Variants in LTF observed in about 807,000 individuals in gnomAD.
LTF encodes the protein lactotransferrin.
LTF carries 91 observed loss-of-function variants against 87.2 expected under a neutral mutation model. The ratio of observed to expected loss-of-function variants is 1.04; its 90% CI spans 0.88 to 1.24. The LOEUF is 1.24. Among genes scored for constraint, LTF ranks in the 50% most tolerant of loss-of-function variants. LTF has a pLI of 0.00. For missense variants in LTF, 901 were observed against 904.3 expected, an observed-to-expected ratio of 1.00 and a Z score of 0.05; for synonymous variants, 378 against 356.1, an observed-to-expected ratio of 1.06 and a Z score of -0.69.
intron 1 of LTF, chr3:46,460,457 C>T (rs1429736322): frequency 2.4e-6 from 1 of 421,130 alleles, no homozygotes; most frequent in Non-Finnish European, 4.8e-6. Context: ...AAGACTGGTG[C>T]TCCTGTTGAG....
Position 46,456,196 on chromosome 3 carries a change from A to G in LTF, c.316+94T>C, listed in dbSNP as rs1318280020. On this transcript the variant is annotated intron_variant, in intron 3 of 16. Coordinates refer to ENST00000231751, the MANE Select transcript of LTF (RefSeq NM_002343.6). ...TCCCTACATGTGTGATGTGACCCAG[A>G]CTCCACCTCCACATGTTCCCCCAGT... 18 of 1,138,662 alleles carry G rather than the reference A, an allele frequency of 1.6e-5. No individual in the cohort carries two copies. In the East Asian group the frequency reaches 4.1e-4, roughly 26 times the overall value. 70.5% of individuals were successfully genotyped at this position (1,138,662 alleles called of 1,614,324 possible).
chr3:46,484,925 C>T (rs932330696), intron 1 of LTF: 3 of 152,298 alleles, frequency 2.0e-5, no homozygotes, highest in Non-Finnish European at 4.4e-5. Flanking sequence ...CTTACAGACC[C>T]TCTCTGGGAC....
intron 14 of LTF, among the ~76,000 whole-genome samples, chr3:46,440,121 C>A (rs1575304578): frequency 6.6e-6 from 1 of 152,306 alleles, no homozygotes; most frequent in East Asian, 1.9e-4. Context: ...TGTGAATGTG[C>A]TGGAGATCAC....
intron 1 of LTF, among the ~76,000 whole-genome samples, chr3:46,481,742 C>A (rs572746463): frequency 6.6e-6 from 1 of 152,188 alleles, no homozygotes; most frequent in Non-Finnish European, 1.5e-5. Context: ...CAGAGCAAGA[C>A]TCCGTCAAAA....
intron 2 of LTF, among the ~76,000 whole-genome samples, chr3:46,470,088 G>A (rs780111360): frequency 6.6e-6 from 1 of 152,212 alleles, no homozygotes; most frequent in Non-Finnish European, 1.5e-5. Flanking sequence ...TGGGCAAGGG[G>A]CAGTGGAATG....
intron 6 of LTF, among the ~76,000 whole-genome samples, chr3:46,451,009 G>T (rs1278349542): frequency 6.6e-6 from 1 of 152,184 alleles, no homozygotes; most frequent in African/African-American, 2.4e-5. Flanking sequence ...GCAGAGACAA[G>T]CTCAGGGGGC....
intron 1 of LTF, chr3:46,460,664 A>C: frequency 2.2e-6 from 1 of 448,362 alleles, no homozygotes; most frequent in Non-Finnish European, 4.5e-6. Context: ...AGGAATGATG[A>C]GAGAGTGTCC....
At position 46,471,519 on chromosome 3, in the gene LTF, C is replaced by T. The variant is rs578027371; in HGVS notation, c.-319-1053G>A. Among the ~76,000 whole-genome samples the T allele has an allele frequency of 1.5e-4, 23 of 152,308 alleles. 2 individuals carry two copies. The South Asian group carries it at 4.6e-3, about 30-fold the overall frequency. ...GACTGTGGTTGACTAGCTGTGCATCCCCAGGGTCCACCTCCAGGCTTGGCC... is the reference window on the plus strand; with the variant it reads ...GACTGTGGTTGACTAGCTGTGCATCTCCAGGGTCCACCTCCAGGCTTGGCC... On this transcript the variant is annotated intron_variant, in intron 1 of 19. Coordinates refer to the LTF transcript ENST00000443496.
At chr3:46,464,252 C>A (rs1703158362) in intron 1 of LTF, among the ~76,000 whole-genome samples, 1 of 152,192 alleles carries the variant, frequency 6.6e-6, no homozygotes, top group South Asian at 2.1e-4. Flanking sequence ...ATTTCCCTCT[C>A]AAACCCTCTG....
rs774657325 is a variant in LTF, at chr3:46,456,340, G to A, written c.266C>T (p.Ala89Val). The A allele has an allele frequency of 2.0e-5, 33 of 1,614,142 alleles. No homozygotes were observed. In the South Asian group the frequency reaches 3.4e-4, roughly 17 times the overall value. Residue 89 changes from alanine (A) to valine (V), a missense_variant, in exon 3 of 17, where the codon GCC becomes GTC. Physicochemically the swap from Ala to Val is moderately conservative, Grantham distance 64. Coordinates refer to ENST00000231751, the MANE Select transcript of LTF (RefSeq NM_002343.6). ...DGGFIYEAGL[A>V]PYKLRPVAAE... ...CGCTACAGGTCGCAGTTTGTAGGGG[G>A]CCAGGCCTGCCTCGTATATGAAACC...
chr3:46,473,841 C>T (rs1703324076), intron 1 of LTF, among the ~76,000 whole-genome samples: 1 of 152,198 alleles, frequency 6.6e-6, no homozygotes, highest in Non-Finnish European at 1.5e-5. Context: ...TTTACAGATT[C>T]CAGGAATTAG....
chr3:46,471,108 G>T (rs915894584), intron 1 of LTF, among the ~76,000 whole-genome samples: 6 of 152,154 alleles, frequency 3.9e-5, no homozygotes, highest in African/African-American at 1.2e-4. Context: ...CAGAGGCTGC[G>T]GGGAGTTTTG....
At chr3:46,451,971 G>A (rs1011103416) in intron 6 of LTF, among the ~76,000 whole-genome samples, 3 of 152,076 alleles carry the variant, frequency 2.0e-5, no homozygotes, top group African/African-American at 2.4e-5. Flanking sequence ...GACATTCACC[G>A]CAAAATCAGG....
intron 1 of LTF, among the ~76,000 whole-genome samples, chr3:46,473,983 T>C (rs1481745423): frequency 2.0e-5 from 3 of 152,098 alleles, no homozygotes; most frequent in African/African-American, 7.2e-5. Context: ...AAAGTTACTA[T>C]AGGTACATCA....
chr3:46,478,947 C>T (rs1398229175), intron 1 of LTF, among the ~76,000 whole-genome samples: 1 of 152,234 alleles, frequency 6.6e-6, no homozygotes, highest in Non-Finnish European at 1.5e-5. Flanking sequence ...ACTCCTTGCA[C>T]TTAGAGGGGT....
intron 1 of LTF, among the ~76,000 whole-genome samples, chr3:46,482,441 G>T (rs1461876767): frequency 2.0e-5 from 3 of 147,280 alleles, no homozygotes; most frequent in African/African-American, 7.6e-5. Flanking sequence ...TTGAACTCCA[G>T]CCTGGACATT....
Position 46,477,617 on chromosome 3 carries a change from G to C in LTF, c.-319-7151C>G, listed in dbSNP as rs183938484. On this transcript the variant is annotated intron_variant, in intron 1 of 19. Coordinates refer to the LTF transcript ENST00000443496. Reference sequence around the variant, plus strand: ...AAGCATCTCCCTCATAAAATTGTTAGAACTTAATGAAGTAACTTATAAAGA... The same window carrying C: ...AAGCATCTCCCTCATAAAATTGTTACAACTTAATGAAGTAACTTATAAAGA... Among the ~76,000 whole-genome samples the C allele has an allele frequency of 2.6e-5, 4 of 152,312 alleles. No individual in the cohort carries two copies. The East Asian group carries it at 7.7e-4, about 29-fold the overall frequency.
chr3:46,459,003 C>G (rs145705215), intron 2 of LTF, among the ~76,000 whole-genome samples: 1 of 152,320 alleles, frequency 6.6e-6, no homozygotes, highest in East Asian at 1.9e-4. Context: ...GAAGTTGCCT[C>G]GGGAACTTTT....
chr3:46,458,864 G>A (rs112283880), intron 2 of LTF, among the ~76,000 whole-genome samples: 8,553 of 152,242 alleles, frequency 0.056, 806 homozygotes, highest in African/African-American at 0.2. Flanking sequence ...GTGAGCCACC[G>A]CGCCCAGCCA....
Sources: gnomAD v4.1 joint callset for allele counts (sites outside exome capture counted in the v4.1 genomes callset) on GRCh38, gnomAD v4.1.1 for gene constraint, MANE v1.5 for transcripts, NCBI Gene and HGNC (gene_info 2026-07-23, HGNC 2026-07-21) for gene names.